ECHDC1: variants seen among roughly 807,000 people sequenced by gnomAD.
ECHDC1 encodes ethylmalonyl-CoA decarboxylase 1.
Under a neutral mutation model 29.7 loss-of-function variants are expected in ECHDC1, and 29 were observed. That is an observed-to-expected ratio of 0.98 (90% CI 0.73 to 1.33). ECHDC1 has a LOEUF of 1.33. Among genes scored for constraint, ECHDC1 ranks in the 40% most tolerant of loss-of-function variants. The pLI is 0.00. For synonymous variants in ECHDC1, 126 were observed against 123.1 expected (o/e 1.02, Z -0.15); for missense variants, 328 against 350.0 (o/e 0.94, Z 0.50).
intron 3 of ECHDC1, among the ~76,000 whole-genome samples, chr6:127,323,731 T>C (rs1783048227): frequency 6.6e-6 from 1 of 152,158 alleles, no homozygotes; most frequent in Non-Finnish European, 1.5e-5. Context: ...CTACATACAG[T>C]GGCATGAGAC....
At chr6:127,302,436 G>C (rs1781123888) in intron 5 of ECHDC1, among the ~76,000 whole-genome samples, 1 of 150,986 alleles carries the variant, frequency 6.6e-6, no homozygotes, top group South Asian at 2.1e-4. Context: ...TCTCGCTCTT[G>C]TTGCCCAGGT....
At chr6:127,297,072 T>C (rs1780666663) in intron 5 of ECHDC1, among the ~76,000 whole-genome samples, 1 of 152,156 alleles carries the variant, frequency 6.6e-6, no homozygotes, top group African/African-American at 2.4e-5. Context: ...TATTGTTCCT[T>C]ACCCATGAAA....
chr6:127,311,669 C>CAAAA (rs71272311), intron 5 of ECHDC1, among the ~76,000 whole-genome samples: 202 of 25,048 alleles, frequency 8.1e-3, no homozygotes, highest in Non-Finnish European at 0.011. Flanking sequence ...GGCTCTGTCT[C>CAAAA]AAAAAAAAAA....
intron 5 of ECHDC1, among the ~76,000 whole-genome samples, chr6:127,305,920 A>G (rs1473103782): frequency 6.6e-6 from 1 of 151,984 alleles, no homozygotes; most frequent in South Asian, 2.1e-4. Context: ...AAAAACAAAT[A>G]AAATGGCAGG....
intron 5 of ECHDC1, among the ~76,000 whole-genome samples, chr6:127,308,558 G>A (rs1191477571): frequency 6.6e-6 from 1 of 152,118 alleles, no homozygotes; most frequent in African/African-American, 2.4e-5. Context: ...ATACTGAATG[G>A]GGAAAAGGTA....
At chr6:127,315,950 G>C (rs1227153575) in intron 4 of ECHDC1, 2 of 470,660 alleles carry the variant, frequency 4.2e-6, no homozygotes, top group African/African-American at 4.0e-5. Context: ...AGGCCAAGAA[G>C]AATTTTTCCT....
rs562072642 is a variant in ECHDC1 at position 127,337,040 on chromosome 6, A to T, written c.-2-6010T>A. 4.5e-4 allele frequency among the ~76,000 whole-genome samples: 69 copies of T among 152,260 alleles called. 2 individuals carry two copies. The highest frequency in any genetic ancestry group is 4.2e-3 in the South Asian group (20 of 4,804). On this transcript the variant is annotated intron_variant, in intron 1 of 5. Coordinates refer to ENST00000454859, the MANE Select transcript of ECHDC1 (RefSeq NM_001002030.2). ...GGGTCTGGGGAGTCATGCCCTACAA[A>T]CCATAAATTCTCATCAGATGGGTTT...
intron 5 of ECHDC1, chr6:127,313,448 C>T (rs1782108336): frequency 2.6e-6 from 1 of 384,140 alleles, no homozygotes; most frequent in Admixed American, 2.9e-5. Flanking sequence ...GGTGATCTGC[C>T]TATTTCAGCC....
rs536476560 is a variant in ECHDC1 at position 127,335,856 on chromosome 6, C to T, written c.-2-4826G>A. ...CTTCATCTATTGGCAATTCCATACTCCTTTTCCAAAACTCATACAGTATAA... is the reference window on the plus strand; with the variant it reads ...CTTCATCTATTGGCAATTCCATACTTCTTTTCCAAAACTCATACAGTATAA... On this transcript the variant is annotated intron_variant, in intron 1 of 5. Transcript: ENST00000454859. 2.0e-4 allele frequency among the ~76,000 whole-genome samples: 31 copies of T among 152,166 alleles called. No individual in the cohort carries two copies. The South Asian group carries it at 5.4e-3, about 26-fold the overall frequency.
intron 5 of ECHDC1, among the ~76,000 whole-genome samples, chr6:127,311,020 T>A (rs1781855123): frequency 6.6e-6 from 1 of 152,218 alleles, no homozygotes; most frequent in African/African-American, 2.4e-5. Context: ...ATAATGCTAT[T>A]ACATACTTAA....
rs559012253 is a variant in ECHDC1 at position 127,299,018 on chromosome 6, G to A, written c.498-8741C>T. On this transcript the variant is annotated intron_variant, in intron 5 of 5. Coordinates refer to ENST00000454859, the MANE Select transcript of ECHDC1 (RefSeq NM_001002030.2). ...ATCCTCCCTCAGGAATGGGACTACAGGCGTGTGCCACCATGCCTGGCTATT... is the reference window on the plus strand; with the variant it reads ...ATCCTCCCTCAGGAATGGGACTACAAGCGTGTGCCACCATGCCTGGCTATT... Among the ~76,000 whole-genome samples, 6 of 149,704 alleles carry A rather than the reference G, an allele frequency of 4.0e-5. No homozygotes were observed. The South Asian group carries it at 1.1e-3, about 26-fold the overall frequency.
intron 3 of ECHDC1, among the ~76,000 whole-genome samples, chr6:127,322,570 A>C (rs1228888016): frequency 6.6e-6 from 1 of 152,020 alleles, no homozygotes; most frequent in Non-Finnish European, 1.5e-5. Flanking sequence ...TTGAAGCTGG[A>C]ATAAAAACTC....
At position 127,315,954 on chromosome 6, in the gene ECHDC1, T is replaced by C. The variant is rs78728476; in HGVS notation, c.416+496A>G. 3.2e-3 allele frequency: 1,495 copies of C among 470,706 alleles called. 23 individuals carry two copies. Among genetic ancestry groups the C allele is most frequent in the Non-Finnish European group, 9.4e-4 (214 of 226,756 alleles). 29.2% of individuals were successfully genotyped at this position (470,706 alleles called of 1,614,324 possible). A position where few individuals can be genotyped will look rare whatever the true frequency, so the allele number is the denominator to read the frequency against. Reference sequence around the variant, plus strand: ...CATACCTTGATAGGCCAAGAAGAATTTTTCCTCTTTGCTTCTTTACCTAGG... The same window carrying C: ...CATACCTTGATAGGCCAAGAAGAATCTTTCCTCTTTGCTTCTTTACCTAGG... On this transcript the variant is annotated intron_variant, in intron 4 of 5. Transcript: ENST00000454859.
chr6:127,342,836 GAACCT>G (rs1785075652), intron 1 of ECHDC1: 2 of 155,220 alleles, frequency 1.3e-5, no homozygotes, highest in Non-Finnish European at 2.8e-5. Flanking sequence ...TCCAATGAAA[GAACCT>G]CTACCAGAAA....
chr6:127,312,776 A>C (rs987766090), intron 5 of ECHDC1, among the ~76,000 whole-genome samples: 20 of 152,334 alleles, frequency 1.3e-4, no homozygotes, highest in African/African-American at 4.8e-4. Flanking sequence ...GAAAATGCAA[A>C]AACACAGATA....
chr6:127,300,460 C>G lies in ECHDC1; in HGVS notation c.498-10183G>C, dbSNP rs182615250. Reference sequence around the variant, plus strand: ...CCTGGATTAACTGAGTGGACCCAATCTAATCATGAGAACACTTAAAAGCAG... The same window carrying G: ...CCTGGATTAACTGAGTGGACCCAATGTAATCATGAGAACACTTAAAAGCAG... On this transcript the variant is annotated intron_variant, in intron 5 of 5. Transcript: ENST00000454859. Among the ~76,000 whole-genome samples, 3 of 152,282 alleles carry G rather than the reference C, an allele frequency of 2.0e-5. No homozygotes were observed. In the South Asian group the frequency reaches 6.2e-4, roughly 32 times the overall value.
chr6:127,319,315 A>G (rs1213275849), intron 3 of ECHDC1, among the ~76,000 whole-genome samples: 1 of 152,226 alleles, frequency 6.6e-6, no homozygotes, highest in Non-Finnish European at 1.5e-5. Context: ...TTGTGCTAAC[A>G]GTAGTATATA....
chr6:127,338,290 GAAAC>G (rs1329680150), intron 1 of ECHDC1, among the ~76,000 whole-genome samples: 1 of 152,080 alleles, frequency 6.6e-6, no homozygotes, highest in African/African-American at 2.4e-5. Flanking sequence ...TTTTGTCAGA[GAAAC>G]AAAATATGCA....
chr6:127,331,841 C>A, intron 1 of ECHDC1: 1 of 985,312 alleles, frequency 1.0e-6, no homozygotes, highest in Non-Finnish European at 1.2e-6. Flanking sequence ...TTCTGCAAAG[C>A]TTTCAGGCAA....
Sources: allele counts gnomAD v4.1 joint callset (sites outside exome capture counted in the v4.1 genomes callset), GRCh38; gene constraint gnomAD v4.1.1; transcripts MANE v1.5; gene names NCBI Gene and HGNC (gene_info 2026-07-23, HGNC 2026-07-21).